The following IGF2BP2 variants were observed in gnomAD, a reference collection of about 807,000 sequenced individuals.
The protein encoded by IGF2BP2 is insulin like growth factor 2 mRNA binding protein 2, also known as insulin-like growth factor 2 mRNA-binding protein 2.
Under a neutral mutation model 75.8 loss-of-function variants are expected in IGF2BP2, and 17 were observed. The ratio of observed to expected loss-of-function variants is 0.22; its 90% CI spans 0.15 to 0.34. The LOEUF is 0.34. Among genes scored for constraint, IGF2BP2 ranks in the 10% least tolerant of loss-of-function variants. The probability of loss-of-function intolerance (pLI) is 1.00; values close to 1 mark genes in which losing one functional copy is unlikely to be tolerated. For synonymous variants in IGF2BP2, 288 were observed against 295.6 expected (o/e 0.97, Z 0.26); for missense variants, 516 against 772.4 (o/e 0.67, Z 3.93).
At chr3:185,733,079 C>T (rs1348599413) in intron 2 of IGF2BP2, among the ~76,000 whole-genome samples, 2 of 152,114 alleles carry the variant, frequency 1.3e-5, no homozygotes, top group Non-Finnish European at 2.9e-5. Flanking sequence ...GGGGAGGATA[C>T]AATAAAGCTG....
At chr3:185,823,245 T>G in intron 1 of IGF2BP2, 32 bp from the exon 2 acceptor site, 1 of 1,568,866 alleles carries the variant, frequency 6.4e-7, no homozygotes, top group Non-Finnish European at 8.7e-7. Flanking sequence ...ACTCAGAACC[T>G]TGCTTAGATC....
chr3:185,804,865 T>C (rs756776433), intron 2 of IGF2BP2, among the ~76,000 whole-genome samples: 20 of 150,542 alleles, frequency 1.3e-4, no homozygotes, highest in Non-Finnish European at 2.7e-4. Flanking sequence ...GGGTGGCGGG[T>C]GCCTGTAGTC....
intron 2 of IGF2BP2, chr3:185,722,348 G>T: frequency 2.3e-6 from 1 of 427,326 alleles, no homozygotes; most frequent in South Asian, 1.7e-5. Context: ...AGCTTCATGG[G>T]TTATTTTCAA....
At chr3:185,808,768 A>G (rs567798183) in intron 2 of IGF2BP2, among the ~76,000 whole-genome samples, 270 of 148,980 alleles carry the variant, frequency 1.8e-3, no homozygotes, top group African/African-American at 6.4e-3. Flanking sequence ...GGGTTTTGCC[A>G]TGTTGGCCAG....
At position 185,643,779 on chromosome 3, in the gene IGF2BP2, CTTTTTTTTTTTTT is replaced by C. The variant is rs933340628; in HGVS notation, c.*1739_*1751del. On this transcript the variant is annotated 3_prime_UTR_variant, in exon 16 of 16. Transcript: ENST00000382199. Reference sequence around the variant, plus strand: ...ATATTTCTGTTTTTTCTTTTTTTTTCTTTTTTTTTTTTTTTTTTTTGTCACAGAACACTGTTTG... The same window carrying C: ...ATATTTCTGTTTTTTCTTTTTTTTTCTTTTTTTGTCACAGAACACTGTTTG... 8.9e-6 allele frequency: 1 copy of C among 111,970 alleles called. No individual in the cohort carries two copies. The highest frequency in any genetic ancestry group is 9.9e-5 in the Admixed American group (1 of 10,150). 6.9% of individuals were successfully genotyped at this position (111,970 alleles called of 1,614,324 possible).
chr3:185,666,219 A>G (rs1460598107), intron 10 of IGF2BP2, among the ~76,000 whole-genome samples: 2 of 152,250 alleles, frequency 1.3e-5, no homozygotes, highest in Non-Finnish European at 2.9e-5. Flanking sequence ...AAAAATTCAA[A>G]TAAGTAACTC....
chr3:185,800,741 A>AGAAAGAAAGAACGAAC (rs1553893969), intron 2 of IGF2BP2, among the ~76,000 whole-genome samples: 2 of 151,608 alleles, frequency 1.3e-5, no homozygotes, highest in African/African-American at 4.9e-5. Context: ...AAAGAAAGAA[A>AGAAAGAAAGAACGAAC]GTACTTGCTG....
chr3:185,815,465 T>C (rs2150035851), intron 2 of IGF2BP2, among the ~76,000 whole-genome samples: 1 of 152,356 alleles, frequency 6.6e-6, no homozygotes, highest in Admixed American at 6.5e-5. Context: ...TCTGAAGTTC[T>C]GGTCAGGAGC....
chr3:185,770,772 A>G (rs1733766206), intron 2 of IGF2BP2, among the ~76,000 whole-genome samples: 2 of 152,204 alleles, frequency 1.3e-5, no homozygotes, highest in African/African-American at 4.8e-5. Context: ...TTTTAGTTAG[A>G]GACAGGGTCT....
intron 2 of IGF2BP2, among the ~76,000 whole-genome samples, chr3:185,711,343 T>C (rs1447241299): frequency 6.6e-6 from 1 of 152,190 alleles, no homozygotes; most frequent in South Asian, 2.1e-4. Context: ...TCTAGGCTAG[T>C]GACATGTGCA....
chr3:185,796,963 G>A (rs1037744107), intron 2 of IGF2BP2, among the ~76,000 whole-genome samples: 5 of 152,076 alleles, frequency 3.3e-5, no homozygotes, highest in Admixed American at 1.3e-4. Flanking sequence ...TTCCAGGTAC[G>A]AAACCAACAA....
Position 185,645,546 on chromosome 3 carries a change from T to C in IGF2BP2, c.1785A>G (p.Ser595=). 3.1e-6 allele frequency: 5 copies of C among 1,612,652 alleles called. No homozygotes were observed. Among genetic ancestry groups the C allele is most frequent in the Non-Finnish European group, 4.2e-6 (5 of 1,178,674 alleles). ...TGTGGGAGCCTCACTTGCTGCGCTG[T>C]GAGGCGACTCCCTGAGGGTATTTCT... ...QEQKYPQGVA[S]QRSK is the part of the protein sequence containing the mutation. The change falls in exon 16 of 16, where the codon TCA becomes TCG. Residue 595 remains serine (S), a synonymous_variant. Coordinates refer to ENST00000382199, the MANE Select transcript of IGF2BP2 (RefSeq NM_006548.6). The surrounding 1 kb of genome is among the most constrained non-coding windows in gnomAD (Gnocchi z 4.9).
At chr3:185,669,515 T>A (rs1001628847) in intron 10 of IGF2BP2, among the ~76,000 whole-genome samples, 3 of 139,688 alleles carry the variant, frequency 2.1e-5, no homozygotes, top group African/African-American at 7.9e-5. Context: ...ACTCCCTGCT[T>A]CTTAAACACT....
chr3:185,811,828 G>GTC (rs1458609762), intron 2 of IGF2BP2, among the ~76,000 whole-genome samples: 4 of 120,170 alleles, frequency 3.3e-5, no homozygotes, highest in Non-Finnish European at 7.6e-5. Flanking sequence ...TCAGAGTAGG[G>GTC]TGTCTCTCTC....
chr3:185,788,815 A>T (rs1215556982), intron 2 of IGF2BP2, among the ~76,000 whole-genome samples: 6 of 150,526 alleles, frequency 4.0e-5, no homozygotes, highest in African/African-American at 1.5e-4. Flanking sequence ...CCTGGGTTCA[A>T]AGTAATTCTG....
intron 2 of IGF2BP2, among the ~76,000 whole-genome samples, chr3:185,744,246 A>C (rs1167766534): frequency 6.6e-6 from 1 of 152,212 alleles, no homozygotes; most frequent in Non-Finnish European, 1.5e-5. Flanking sequence ...TAAAATTTTT[A>C]TTGTTAGTAT....
intron 2 of IGF2BP2, chr3:185,716,577 C>T (rs553492698): frequency 1.2e-5 from 6 of 520,168 alleles, no homozygotes; most frequent in African/African-American, 7.7e-5. Context: ...ACCAGACTCA[C>T]GTCCTCAGTA....
At position 185,731,240 on chromosome 3, in the gene IGF2BP2, C is replaced by G. The variant is rs188373860; in HGVS notation, c.240-32893G>C. 2.7e-3 allele frequency among the ~76,000 whole-genome samples: 403 copies of G among 147,254 alleles called. 2 individuals are homozygous for G. The highest frequency in any genetic ancestry group is 4.6e-3 in the Non-Finnish European group (308 of 67,240). ...CAAAGAGCAGGCTGTGTAGCTGCAT[C>G]ACTTTCTTTTTTTTTTTTTTTTTTG... On this transcript the variant is annotated intron_variant, in intron 2 of 15. Coordinates refer to ENST00000382199, the MANE Select transcript of IGF2BP2 (RefSeq NM_006548.6).
At chr3:185,649,757 C>CT (rs1190602659) in intron 13 of IGF2BP2, among the ~76,000 whole-genome samples, 2 of 152,210 alleles carry the variant, frequency 1.3e-5, no homozygotes, top group Admixed American at 1.3e-4. Flanking sequence ...GATGGGCATT[C>CT]ATGTTTTGGT....
Sources: gnomAD v4.1 joint callset for allele counts (sites outside exome capture counted in the v4.1 genomes callset) on GRCh38, gnomAD v4.1.1 for gene constraint, Gnocchi (gnomAD v3.1) non-coding constraint, MANE v1.5 for transcripts, NCBI Gene and HGNC (gene_info 2026-07-23, HGNC 2026-07-21) for gene names.